Variants in GRIN2B observed in about 807,000 individuals in gnomAD.
GRIN2B encodes glutamate ionotropic receptor NMDA type subunit 2B.
A neutral mutation model predicts 114.5 loss-of-function variants in GRIN2B; 5 were observed. The ratio of observed to expected loss-of-function variants is 0.04; its 90% CI spans 0.02 to 0.09. The LOEUF (loss-of-function observed/expected upper bound fraction) is 0.09, where lower values mean the gene tolerates loss of function less well. Among genes scored for constraint, GRIN2B ranks in the 10% least tolerant of loss-of-function variants. The probability of loss-of-function intolerance (pLI) is 1.00; values close to 1 mark genes in which losing one functional copy is unlikely to be tolerated. For missense variants in GRIN2B, 1,108 were observed against 1,943.5 expected, an observed-to-expected ratio of 0.57 and a Z score of 8.08; for synonymous variants, 787 against 745.1, an observed-to-expected ratio of 1.06 and a Z score of -0.92.
chr12:13,704,949 A>T (rs1460644117), intron 4 of GRIN2B, among the ~76,000 whole-genome samples: 2 of 152,242 alleles, frequency 1.3e-5, no homozygotes, highest in Admixed American at 6.5e-5. Context: ...TTAATGCCCC[A>T]TGACTGATTT....
chr12:13,972,523 G>C (rs997910869), intron 2 of GRIN2B, among the ~76,000 whole-genome samples: 1 of 151,930 alleles, frequency 6.6e-6, no homozygotes, highest in South Asian at 2.1e-4. Context: ...ACATATAAGA[G>C]AGAACTCCGG....
intron 3 of GRIN2B, among the ~76,000 whole-genome samples, chr12:13,813,711 G>A (rs1864772754): frequency 6.6e-6 from 1 of 152,142 alleles, no homozygotes. Context: ...ATGTCAAAAT[G>A]CTAATTCATT....
intron 10 of GRIN2B, among the ~76,000 whole-genome samples, chr12:13,582,619 TCTGG>T (rs1948867748): frequency 6.6e-6 from 1 of 152,194 alleles, no homozygotes; most frequent in Non-Finnish European, 1.5e-5. Context: ...TTCTCCTGCC[TCTGG>T]CTGTGCTGTC....
intron 3 of GRIN2B, among the ~76,000 whole-genome samples, chr12:13,839,106 C>T (rs750258271): frequency 2.6e-5 from 4 of 152,322 alleles, no homozygotes; most frequent in Non-Finnish European, 4.4e-5. Flanking sequence ...CTACTGATCA[C>T]ACTCTGAGGT....
intron 3 of GRIN2B, among the ~76,000 whole-genome samples, chr12:13,797,140 G>T (rs11055623): frequency 6.6e-6 from 1 of 152,056 alleles, no homozygotes; most frequent in Non-Finnish European, 1.5e-5. Context: ...TGGAGGCTTG[G>T]AAGTCCAAGA....
intron 9 of GRIN2B, among the ~76,000 whole-genome samples, 168 bp from the exon 10 acceptor site, chr12:13,609,000 A>C (rs1591638983): frequency 6.6e-6 from 1 of 152,124 alleles, no homozygotes; most frequent in African/African-American, 2.4e-5. Context: ...TCTCTTTTCC[A>C]GGGACTCTCA....
intron 2 of GRIN2B, among the ~76,000 whole-genome samples, chr12:13,894,093 G>A (rs1038965403): frequency 6.6e-6 from 1 of 152,054 alleles, no homozygotes; most frequent in African/African-American, 2.4e-5. Flanking sequence ...AGGACATGGT[G>A]AAACACAGCA....
intron 3 of GRIN2B, among the ~76,000 whole-genome samples, chr12:13,829,116 C>T (rs1211749325): frequency 1.3e-5 from 2 of 152,150 alleles, no homozygotes; most frequent in Non-Finnish European, 2.9e-5. Context: ...GTCATTTAAC[C>T]TCGGTTCAAA....
At chr12:13,884,779 T>C (rs1007723237) in intron 2 of GRIN2B, among the ~76,000 whole-genome samples, 3 of 152,186 alleles carry the variant, frequency 2.0e-5, no homozygotes, top group Admixed American at 6.5e-5. Context: ...CGTTTCCAGT[T>C]TGATGAAATT....
intron 5 of GRIN2B, among the ~76,000 whole-genome samples, chr12:13,619,071 G>A (rs753178359): frequency 7.9e-5 from 12 of 152,190 alleles, no homozygotes; most frequent in Admixed American, 2.6e-4. Flanking sequence ...TCTTAGAAGC[G>A]GCCTGGGTAG....
chr12:13,641,361 C>A, intron 5 of GRIN2B, among the ~76,000 whole-genome samples: 1 of 152,024 alleles, frequency 6.6e-6, no homozygotes, highest in East Asian at 1.9e-4. Context: ...GTGTGAGCCA[C>A]TGGGCCCAGC....
chr12:13,633,610 T>C (rs1949636702), intron 5 of GRIN2B, among the ~76,000 whole-genome samples: 1 of 152,226 alleles, frequency 6.6e-6, no homozygotes, highest in South Asian at 2.1e-4. Flanking sequence ...AAATAAAATG[T>C]CTCTTGTTTC....
At chr12:13,707,804 A>G (rs940229553) in intron 4 of GRIN2B, among the ~76,000 whole-genome samples, 3 of 152,126 alleles carry the variant, frequency 2.0e-5, no homozygotes, top group Non-Finnish European at 4.4e-5. Context: ...GAATATTTCT[A>G]TTCAATGCCT....
intron 3 of GRIN2B, among the ~76,000 whole-genome samples, chr12:13,761,932 A>C (rs1371286646): frequency 6.6e-6 from 1 of 152,202 alleles, no homozygotes; most frequent in African/African-American, 2.4e-5. Flanking sequence ...GTCAACACAA[A>C]TATAGGTCTG....
intron 2 of GRIN2B, among the ~76,000 whole-genome samples, chr12:13,955,948 G>A (rs1214218360): frequency 1.3e-5 from 2 of 152,180 alleles, no homozygotes; most frequent in East Asian, 3.9e-4. Flanking sequence ...TAAGACAAGG[G>A]TGACAAGGGC....
intron 4 of GRIN2B, among the ~76,000 whole-genome samples, chr12:13,706,908 C>T (rs1409051433): frequency 6.6e-6 from 1 of 152,004 alleles, no homozygotes; most frequent in Non-Finnish European, 1.5e-5. Flanking sequence ...AGTCTCCTTC[C>T]TCCTCCTCTC....
intron 5 of GRIN2B, among the ~76,000 whole-genome samples, chr12:13,623,409 A>G (rs535687214): frequency 1.3e-5 from 2 of 152,338 alleles, no homozygotes; most frequent in South Asian, 2.1e-4. Flanking sequence ...TGAAATTCCT[A>G]TCAGCAAAGC....
intron 2 of GRIN2B, among the ~76,000 whole-genome samples, chr12:13,974,076 C>T (rs1862975970): frequency 6.6e-6 from 1 of 152,212 alleles, no homozygotes; most frequent in Admixed American, 6.5e-5. Flanking sequence ...ACTCCCTTTG[C>T]CATTACAGAA....
rs532329820 is a variant in GRIN2B, at chr12:13,621,669, T to C, written c.1126-5012A>G. Reference sequence around the variant, plus strand: ...AAAAACAGTGATGTTTTAGAGTTTCTGGTTTGGTTCTCTTGGTACAGGCTG... The same window carrying C: ...AAAAACAGTGATGTTTTAGAGTTTCCGGTTTGGTTCTCTTGGTACAGGCTG... On this transcript the variant is annotated intron_variant, in intron 5 of 13. Coordinates refer to ENST00000609686, the MANE Select transcript of GRIN2B (RefSeq NM_000834.5). Among the ~76,000 whole-genome samples the C allele has an allele frequency of 5.0e-5, 7 of 140,598 alleles. No individual in the cohort carries two copies. In the South Asian group the frequency reaches 1.5e-3, roughly 30 times the overall value. 92.2% of individuals were successfully genotyped at this position (140,598 alleles called of 152,430 possible). A position where few individuals can be genotyped will look rare whatever the true frequency, so the allele number is the denominator to read the frequency against.
Sources: allele counts gnomAD v4.1 joint callset (sites outside exome capture counted in the v4.1 genomes callset), GRCh38; gene constraint gnomAD v4.1.1; transcripts MANE v1.5; gene names NCBI Gene and HGNC (gene_info 2026-07-23, HGNC 2026-07-21).